The following HIVEP1 variants were observed in gnomAD, a reference collection of about 807,000 sequenced individuals.
HIVEP1 encodes the protein HIVEP zinc finger 1.
HIVEP1 carries 36 observed loss-of-function variants against 180.0 expected under a neutral mutation model. The ratio of observed to expected loss-of-function variants is 0.20; its 90% CI spans 0.15 to 0.26. HIVEP1 has a LOEUF of 0.26. HIVEP1 is among the 10% of genes least tolerant of loss of function. HIVEP1 has a pLI of 1.00. For missense variants in HIVEP1, 3,143 were observed against 3,268.7 expected (o/e 0.96, Z 0.94); for synonymous variants, 1,239 against 1,239.0 (o/e 1.00, Z 0.00).
chr6:12,108,820 C>T (rs1013468791), intron 3 of HIVEP1, among the ~76,000 whole-genome samples: 7 of 152,206 alleles, frequency 4.6e-5, no homozygotes, highest in African/African-American at 1.7e-4. Context: ...CCTTGGCCAG[C>T]CCAGAAAGGG....
At chr6:12,017,841 C>A (rs949067842) in intron 2 of HIVEP1, among the ~76,000 whole-genome samples, 1 of 152,254 alleles carries the variant, frequency 6.6e-6, no homozygotes, top group Non-Finnish European at 1.5e-5. Context: ...CAGGTCCCCA[C>A]TAGACTCAGG....
chr6:12,115,506 C>G (rs1156857943), intron 3 of HIVEP1, among the ~76,000 whole-genome samples: 2 of 151,956 alleles, frequency 1.3e-5, no homozygotes, highest in Admixed American at 6.6e-5. Flanking sequence ...GGTCCCTCTC[C>G]TGAGTGTGCT....
chr6:12,126,483 G>C (rs2113545811), intron 4 of HIVEP1, among the ~76,000 whole-genome samples: 1 of 152,300 alleles, frequency 6.6e-6, no homozygotes, highest in East Asian at 1.9e-4. Context: ...TTAAGGTCAT[G>C]AAACTGTAAC....
At chr6:12,201,032 G>A in the HIVEP1 span, among the ~76,000 whole-genome samples, 1 of 152,178 alleles carries the variant, frequency 6.6e-6, no homozygotes, top group Non-Finnish European at 1.5e-5. Flanking sequence ...TTTGAGACCT[G>A]GTAGTTTACA....
chr6:12,150,798 T>TAA (rs1275473692), intron 7 of HIVEP1, among the ~76,000 whole-genome samples: 1 of 152,112 alleles, frequency 6.6e-6, no homozygotes, highest in Non-Finnish European at 1.5e-5. Flanking sequence ...TATATATATA[T>TAA]AATTGTATTC....
chr6:12,172,193 A>T, the HIVEP1 span, among the ~76,000 whole-genome samples: 1 of 152,310 alleles, frequency 6.6e-6, no homozygotes, highest in Non-Finnish European at 1.5e-5. Flanking sequence ...AAGTTTTCTA[A>T]TTACTTTGCT....
In HIVEP1 at chr6:12,130,041, G is replaced by T; in HGVS notation, c.6209+149G>T. Reference sequence around the variant, plus strand: ...TAACAGAATCTCCATAGCAAAATATGTTAACATTATGTTAAATCATTTTAT... The same window carrying T: ...TAACAGAATCTCCATAGCAAAATATTTTAACATTATGTTAAATCATTTTAT... On this transcript the variant is annotated intron_variant, in intron 5 of 8. Coordinates refer to ENST00000379388, the MANE Select transcript of HIVEP1 (RefSeq NM_002114.4). 8.1e-6 allele frequency: 5 copies of T among 614,250 alleles called. No homozygotes were observed. In the South Asian group the frequency reaches 1.0e-4, roughly 13 times the overall value. 38.0% of individuals were successfully genotyped at this position (614,250 alleles called of 1,614,324 possible).
At chr6:12,069,106 T>C (rs1268794574) in intron 2 of HIVEP1, among the ~76,000 whole-genome samples, 1 of 152,266 alleles carries the variant, frequency 6.6e-6, no homozygotes, top group Non-Finnish European at 1.5e-5. Flanking sequence ...CATTGGTCAT[T>C]GTGCAAACAC....
the HIVEP1 span, among the ~76,000 whole-genome samples, chr6:12,202,169 T>G: frequency 6.6e-6 from 1 of 152,140 alleles, no homozygotes; most frequent in Admixed American, 6.5e-5. Context: ...ATTTATATAT[T>G]TTTTGAGACA....
intron 7 of HIVEP1, among the ~76,000 whole-genome samples, chr6:12,141,193 A>G (rs988186773): frequency 1.2e-4 from 18 of 152,224 alleles, no homozygotes; most frequent in Non-Finnish European, 1.5e-5. Flanking sequence ...TCTACAAGCC[A>G]GAAGAGAGTG....
chr6:12,183,174 A>T, the HIVEP1 span, among the ~76,000 whole-genome samples: 1 of 152,218 alleles, frequency 6.6e-6, no homozygotes, highest in Non-Finnish European at 1.5e-5. Context: ...AAACAAGAGA[A>T]ACTTCAGGAG....
intron 2 of HIVEP1, among the ~76,000 whole-genome samples, chr6:12,036,758 G>A (rs535397940): frequency 2.0e-5 from 3 of 152,290 alleles, no homozygotes; most frequent in Non-Finnish European, 4.4e-5. Context: ...ACAAAAATTA[G>A]CTGGGTGTGC....
intron 3 of HIVEP1, among the ~76,000 whole-genome samples, chr6:12,106,495 A>C (rs759179120): frequency 6.0e-4 from 92 of 152,104 alleles, no homozygotes; most frequent in Non-Finnish European, 8.5e-4. Flanking sequence ...ATTTTTATTA[A>C]TATTAGTCGA....
At chr6:12,168,336 T>TAC (rs1371174521), downstream of HIVEP1, among the ~76,000 whole-genome samples, 1,565 of 125,822 alleles carry the variant, frequency 0.012, 22 homozygotes, top group Middle Eastern at 0.032. Context: ...ATTATATAAT[T>TAC]ATATATACAT....
At chr6:12,182,248 G>A in the HIVEP1 span, among the ~76,000 whole-genome samples, 1 of 152,142 alleles carries the variant, frequency 6.6e-6, no homozygotes, top group Non-Finnish European at 1.5e-5. Context: ...TAATTTATGT[G>A]TGATATCAGT....
chr6:12,205,849 A>C, the HIVEP1 span, among the ~76,000 whole-genome samples: 1 of 152,158 alleles, frequency 6.6e-6, no homozygotes, highest in Non-Finnish European at 1.5e-5. Context: ...ACCCAGGTCT[A>C]TGTGACCCTG....
chr6:12,177,136 G>A, the HIVEP1 span, among the ~76,000 whole-genome samples: 3 of 152,154 alleles, frequency 2.0e-5, no homozygotes, highest in East Asian at 1.9e-4. Context: ...ACACAAAGAA[G>A]AGAACAGCAG....
In HIVEP1 at chr6:12,125,796, T is replaced by C. The variant is rs1319984331; in HGVS notation, c.6001T>C (p.Cys2001Arg). 2 of 1,613,846 alleles carry C rather than the reference T, an allele frequency of 1.2e-6. No individual in the cohort carries two copies. Among genetic ancestry groups the C allele is most frequent in the Non-Finnish European group, 1.7e-6 (2 of 1,179,900 alleles). The stretch of plus-strand genomic sequence containing the variant: ...ACAGAACACTGGAAAATCACTATAC[T>C]GTCAAGCAATAACTACCCATTCCAA... ...SKQNTGKSLYCQAITTHSKSD... is the reference protein window; with the variant it reads ...SKQNTGKSLYRQAITTHSKSD... The change falls in exon 4 of 9, where the codon TGT (cysteine) becomes CGT (arginine). Residue 2001 changes from cysteine to arginine, a missense_variant. Physicochemically the swap from Cys to Arg is radical, Grantham distance 180. Transcript: ENST00000379388.
Position 12,140,176 on chromosome 6 carries a change from T to C in HIVEP1, c.6487+4284T>C, listed in dbSNP as rs184147770. Among the ~76,000 whole-genome samples the C allele has an allele frequency of 1.9e-3, 287 of 152,310 alleles. 3 individuals carry two copies. In the South Asian group the frequency reaches 0.023, roughly 12 times the overall value. On this transcript the variant is annotated intron_variant, in intron 7 of 8. Transcript: ENST00000379388. ...GGCACCAATATTTGCCGTTCTGCAA[T>C]ATTTGCTGTTCTTCAGCCTCTGCTG... is the stretch of plus-strand genomic sequence containing the variant.
Sources: allele counts gnomAD v4.1 joint callset (sites outside exome capture counted in the v4.1 genomes callset), GRCh38; gene constraint gnomAD v4.1.1; transcripts MANE v1.5; gene names NCBI Gene and HGNC (gene_info 2026-07-23, HGNC 2026-07-21).